Variants in GGTLC2 observed in about 807,000 individuals in gnomAD.
GGTLC2 encodes the protein glutathione hydrolase light chain 2.
Under a neutral mutation model 20.2 loss-of-function variants are expected in GGTLC2, and 13 were observed. That is an observed-to-expected ratio of 0.64 (90% CI 0.42 to 1.02). The LOEUF (loss-of-function observed/expected upper bound fraction) is 1.02, where lower values mean the gene tolerates loss of function less well. Ranked by LOEUF, GGTLC2 falls within the 50% of genes least tolerant of loss-of-function variation. GGTLC2 has a pLI of 0.00. For missense variants in GGTLC2, 202 were observed against 301.3 expected (o/e 0.67, Z 2.44); for synonymous variants, 89 against 125.5 (o/e 0.71, Z 1.94).
Position 22,647,762 on chromosome 22 carries a change from T to C in GGTLC2, c.*21T>C. ...ACTGAGTGCTCCAGGAGGACAAGGC[T>C]GACAAGCAATCCAGGGACAAGATAC... On this transcript the variant is annotated 3_prime_UTR_variant, in exon 6 of 6. Coordinates refer to ENST00000448514, the MANE Select transcript of GGTLC2 (RefSeq NM_199127.3). 1 of 1,584,056 alleles carries C rather than the reference T, an allele frequency of 6.3e-7. No individual in the cohort carries two copies. Among genetic ancestry groups the C allele is most frequent in the Non-Finnish European group, 8.6e-7 (1 of 1,164,152 alleles).
rs1209098614 is a variant in GGTLC2, at chr22:22,646,738, C to T, written c.177-16C>T. The T allele has an allele frequency of 6.2e-7, 1 of 1,608,228 alleles. No individual in the cohort carries two copies. The highest frequency in any genetic ancestry group is 8.5e-7 in the Non-Finnish European group (1 of 1,177,432). ...CCAGGCAAGGTCAGGTGCTGTCTGA[C>T]CTGGCTGGGCGGTAGCTTTGGCTCC... On this transcript the variant is annotated splice_polypyrimidine_tract_variant and intron_variant, in intron 2 of 5. Coordinates refer to ENST00000448514, the MANE Select transcript of GGTLC2 (RefSeq NM_199127.3).
At position 22,646,036 on chromosome 22, in the gene GGTLC2, A is replaced by G. The variant is rs185563383; in HGVS notation, c.-34-276A>G. 5.8e-4 allele frequency: 528 copies of G among 917,270 alleles called. 5 individuals are homozygous for G. In the African/African-American group the frequency reaches 8.1e-3, roughly 14 times the overall value. The allele number at this position is 917,270 out of a possible 1,614,324, so 56.8% of individuals were successfully genotyped here. ...CCCTGTTGATTCCCCAGTTCCAGGC[A>G]TGCAGTGCAAATTCTAGAAATATTT... On this transcript the variant is annotated intron_variant, in intron 1 of 5. Coordinates refer to ENST00000448514, the MANE Select transcript of GGTLC2 (RefSeq NM_199127.3).
rs1386746040 is a variant in GGTLC2, at chr22:22,646,251, C to T, written c.-34-61C>T. The T allele has an allele frequency of 3.5e-6, 5 of 1,438,026 alleles. No homozygotes were observed. The Admixed American group carries it at 1.0e-4, about 29-fold the overall frequency. 89.1% of individuals were successfully genotyped at this position (1,438,026 alleles called of 1,614,324 possible). A position where few individuals can be genotyped will look rare whatever the true frequency, so the allele number is the denominator to read the frequency against. ...GGTGCCAGAGGGTTGTGGTCAGAGC[C>T]ACAGTCAGGGGCCTTCTGAGACCTG... On this transcript the variant is annotated intron_variant, in intron 1 of 5. Coordinates refer to ENST00000448514, the MANE Select transcript of GGTLC2 (RefSeq NM_199127.3).
Position 22,647,193 on chromosome 22 carries a change from T to C in GGTLC2, c.413T>C (p.Leu138Pro), listed in dbSNP as rs1301324212. Residue 138 changes from leucine (L) to proline (P), a missense_variant, in exon 5 of 6, where the codon CTC (leucine) becomes CCC (proline). Coordinates refer to ENST00000448514, the MANE Select transcript of GGTLC2 (RefSeq NM_199127.3). ...ATGCCCCAGGCCATCATCTACAACC[T>C]CTGGTTCGGCTATGACGTGAAGCGG... ...TPMPQAIIYN[L>P]WFGYDVKRAV... 3.1e-6 allele frequency: 5 copies of C among 1,611,320 alleles called. No homozygotes were observed. Among genetic ancestry groups the C allele is most frequent in the East Asian group, 4.5e-5 (2 of 44,742 alleles).
At chr22:22,644,915 G>C (rs1189298634) in intron 1 of GGTLC2, among the ~76,000 whole-genome samples, 3 of 83,078 alleles carry the variant, frequency 3.6e-5, no homozygotes, top group Non-Finnish European at 6.3e-5. Context: ...TTTTGAGATG[G>C]AGTCTCCCTC....
chr22:22,645,382 C>T (rs1480791766), intron 1 of GGTLC2, among the ~76,000 whole-genome samples: 9 of 148,976 alleles, frequency 6.0e-5, no homozygotes. Context: ...CCCGCCCTTG[C>T]CCGTGAACCC....
intron 5 of GGTLC2, 133 bp downstream of exon 5, chr22:22,647,423 T>A: frequency 1.4e-6 from 2 of 1,419,536 alleles, no homozygotes; most frequent in Non-Finnish European, 1.9e-6. Flanking sequence ...GGAGCCCCTG[T>A]GCCATGAGGG....
intron 1 of GGTLC2, among the ~76,000 whole-genome samples, chr22:22,645,348 AATACCTCC>A (rs1239358504): frequency 4.7e-4 from 70 of 150,520 alleles, no homozygotes; most frequent in African/African-American, 1.6e-3. Flanking sequence ...ACTCAATGTC[AATACCTCC>A]ATGTTCATCT....
In GGTLC2 at chr22:22,647,028, A is replaced by G. The variant is rs373915227; in HGVS notation, c.350A>G (p.Gln117Arg). Reference protein sequence around the residue: ...SSMCPTIMVGQDGQPPSHADH... With the variant: ...SSMCPTIMVGRDGQPPSHADH... Reference sequence around the variant, plus strand: ...ATGTGCCCGACGATCATGGTGGGCCAGGACGGCCAGGTCCGGATGGTGGTG... The same window carrying G: ...ATGTGCCCGACGATCATGGTGGGCCGGGACGGCCAGGTCCGGATGGTGGTG... Residue 117 changes from glutamine to arginine, a missense_variant, in exon 4 of 6, where the codon CAG (glutamine) becomes CGG (arginine). Transcript: ENST00000448514. 57 of 1,611,528 alleles carry G rather than the reference A, an allele frequency of 3.5e-5. No individual in the cohort carries two copies. The highest frequency in any genetic ancestry group is 8.3e-5 in the Admixed American group (5 of 59,960).
chr22:22,647,820 T>G lies in GGTLC2; in HGVS notation c.*79T>G, dbSNP rs879070646. 71 of 1,592,258 alleles carry G rather than the reference T, an allele frequency of 4.5e-5. No individual in the cohort carries two copies. The African/African-American group carries it at 7.5e-4, about 17-fold the overall frequency. ...GACCAGGAAGGGGACTCTGGGGGAC[T>G]GGCTTCCCCTGTGAGCAGCAGAGCA... On this transcript the variant is annotated 3_prime_UTR_variant, in exon 6 of 6. Coordinates refer to ENST00000448514, the MANE Select transcript of GGTLC2 (RefSeq NM_199127.3).
chr22:22,645,814 T>A (rs1263538298), intron 1 of GGTLC2, among the ~76,000 whole-genome samples: 2 of 151,430 alleles, frequency 1.3e-5, no homozygotes, highest in East Asian at 4.0e-4. Flanking sequence ...CTATACCACC[T>A]GCCTCAGGGC....
intron 5 of GGTLC2, 109 bp downstream of exon 5, chr22:22,647,399 T>C (rs1243109546): frequency 3.2e-6 from 5 of 1,582,788 alleles, no homozygotes; most frequent in African/African-American, 1.3e-5. Flanking sequence ...CTCTCTCTAG[T>C]GCCTGGGCCA....
Position 22,647,527 on chromosome 22 carries a change from A to T in GGTLC2, c.511-68A>T. 1.9e-6 allele frequency: 3 copies of T among 1,605,520 alleles called. No homozygotes were observed. In the East Asian group the frequency reaches 6.7e-5, roughly 36 times the overall value. ...GGCACCACCTGGGCTGAGGCCTGTG[A>T]CCACACAGGTGTGGTTCAGGTGGCA... On this transcript the variant is annotated intron_variant, in intron 5 of 5. Transcript: ENST00000448514.
rs566730387 is a variant in GGTLC2, at chr22:22,646,164, C to T, written c.-34-148C>T. ...CTGGAATGCGACAGAGACAGGGAGT[C>T]AGACTGGTCATGCAAGATCCTGGGC... On this transcript the variant is annotated intron_variant, in intron 1 of 5. Transcript: ENST00000448514. 241 of 1,393,076 alleles carry T rather than the reference C, an allele frequency of 1.7e-4. 2 individuals are homozygous for T. In the African/African-American group the frequency reaches 3.3e-3, roughly 19 times the overall value. The allele number at this position is 1,393,076 out of a possible 1,614,324, so 86.3% of individuals were successfully genotyped here.
In GGTLC2 at chr22:22,647,724, G is replaced by C; in HGVS notation, c.640G>C (p.Glu214Gln). 1 of 1,600,202 alleles carries C rather than the reference G, an allele frequency of 6.2e-7. No individual in the cohort carries two copies. The highest frequency in any genetic ancestry group is 8.5e-7 in the Non-Finnish European group (1 of 1,174,224). The change falls in exon 6 of 6, where the codon GAG (glutamate) becomes CAG (glutamine). Residue 214 changes from glutamate (E) to glutamine (Q), a missense_variant. Physicochemically the swap from Glu to Gln is conservative, Grantham distance 29. Coordinates refer to ENST00000448514, the MANE Select transcript of GGTLC2 (RefSeq NM_199127.3). ...TGCCTCGGACTCCAGGAAAGGCGGG[G>C]AGCCTGCCGGCTACTGAGTGCTCCA... ...AAASDSRKGG[E>Q]PAGY
rs1255759814 is a variant in GGTLC2, at chr22:22,646,984, G to A, written c.306G>A (p.Gly102=). 1 of 1,611,660 alleles carries A rather than the reference G, an allele frequency of 6.2e-7. No homozygotes were observed. Among genetic ancestry groups the A allele is most frequent in the Non-Finnish European group, 8.5e-7 (1 of 1,179,796 alleles). The change falls in exon 4 of 6, where the codon GGG becomes GGA. Residue 102 remains glycine (G), a splice_region_variant and synonymous_variant. Transcript: ENST00000448514. ...CCTGTCTTCTCCCATCGGCCACAGG[G>A]AAGCAGCCGCTCTCGTCAATGTGCC... ...PPSPANFIQP[G]KQPLSSMCPT...
At position 22,646,818 on chromosome 22, in the gene GGTLC2, A is replaced by T. The variant is rs562584675; in HGVS notation, c.241A>T (p.Ser81Cys). The change falls in exon 3 of 6, where the codon AGC becomes TGC. Residue 81 changes from serine to cysteine, a missense_variant. Ser to Cys is a moderately radical substitution (Grantham distance 112). Transcript: ENST00000448514. ...ILFNDEMDDF[S>C]SPNITNEFGV... Reference sequence around the variant, plus strand: ...GTTCAATGATGAAATGGATGACTTCAGCTCTCCCAACATCACCAACGAGTT... The same window carrying T: ...GTTCAATGATGAAATGGATGACTTCTGCTCTCCCAACATCACCAACGAGTT... 133 of 1,613,032 alleles carry T rather than the reference A, an allele frequency of 8.2e-5. 3 individuals are homozygous for T. In the East Asian group the frequency reaches 2.9e-3, roughly 36 times the overall value.
At chr22:22,644,780 C>A (rs2063978581) in intron 1 of GGTLC2, 72 bp downstream of exon 1, 1 of 67,036 alleles carries the variant, frequency 1.5e-5, no homozygotes, top group Non-Finnish European at 2.6e-5. Context: ...CAGATCTGCC[C>A]GTGGATCACT....
chr22:22,647,068 C>T, intron 4 of GGTLC2, 30 bp downstream of exon 4: 2 of 1,611,678 alleles, frequency 1.2e-6, no homozygotes, highest in Non-Finnish European at 1.7e-6. Context: ...CTGCTGGGGG[C>T]ACACAGATCA....
Sources: gnomAD v4.1 joint callset for allele counts (sites outside exome capture counted in the v4.1 genomes callset) on GRCh38, gnomAD v4.1.1 for gene constraint, MANE v1.5 for transcripts, NCBI Gene and HGNC (gene_info 2026-07-23, HGNC 2026-07-21) for gene names.